The following RHOJ variants were observed in gnomAD, a reference collection of about 807,000 sequenced individuals.
RHOJ encodes ras homolog family member J, also known as rho-related GTP-binding protein RhoJ.
Under a neutral mutation model 23.4 loss-of-function variants are expected in RHOJ, and 11 were observed. The ratio of observed to expected loss-of-function variants is 0.47; its 90% confidence interval spans 0.30 to 0.78. The LOEUF (loss-of-function observed/expected upper bound fraction) is 0.78, where lower values mean the gene tolerates loss of function less well. RHOJ is among the 30% of genes least tolerant of loss of function. The pLI is 0.08. For missense variants in RHOJ, 254 were observed against 273.4 expected (o/e 0.93, Z 0.50); for synonymous variants, 102 against 102.7 (o/e 0.99, Z 0.04).
chr14:63,242,609 G>A (rs1038869897), intron 1 of RHOJ, among the ~76,000 whole-genome samples: 6 of 152,122 alleles, frequency 3.9e-5, no homozygotes, highest in Admixed American at 1.3e-4. Flanking sequence ...GAGTTGATGT[G>A]CAGGAAGACA....
chr14:63,226,776 G>C (rs1020806107), intron 1 of RHOJ, among the ~76,000 whole-genome samples: 11 of 151,858 alleles, frequency 7.2e-5, no homozygotes, highest in African/African-American at 2.4e-4. Flanking sequence ...AACTGGCACA[G>C]TCAATGCAAA....
intron 1 of RHOJ, among the ~76,000 whole-genome samples, chr14:63,211,010 G>A (rs1053783925): frequency 4.6e-5 from 7 of 152,172 alleles, no homozygotes; most frequent in Admixed American, 6.5e-5. Context: ...CACAATTCAT[G>A]GAAAGAAGAG....
At chr14:63,214,336 G>A (rs915379951) in intron 1 of RHOJ, among the ~76,000 whole-genome samples, 6 of 152,178 alleles carry the variant, frequency 3.9e-5, no homozygotes, top group African/African-American at 1.2e-4. Context: ...TATCACAAAT[G>A]TATATAGTTT....
chr14:63,219,680 C>G (rs886774198), intron 1 of RHOJ, among the ~76,000 whole-genome samples: 25 of 152,060 alleles, frequency 1.6e-4, no homozygotes, highest in South Asian at 4.1e-4. Flanking sequence ...GCTGTGTGTG[C>G]TGGCGCATGC....
Position 63,269,066 on chromosome 14 carries a change from T to G in RHOJ, c.179-44T>G, listed in dbSNP as rs72712567. On this transcript the variant is annotated intron_variant, in intron 1 of 4. Coordinates refer to ENST00000316754, the MANE Select transcript of RHOJ (RefSeq NM_020663.5). ...TGTGAAGGCTCCTGATTGAAGCTTG[T>G]GTTTATGGACTCTCCTCTTCTTTTC... 2.5e-3 allele frequency: 3,487 copies of G among 1,402,128 alleles called. 13 individuals are homozygous for G. Among genetic ancestry groups the G allele is most frequent in the East Asian group, 5.3e-3 (233 of 43,902 alleles). The allele number at this position is 1,402,128 out of a possible 1,614,324, so 86.9% of individuals were successfully genotyped here. A position where few individuals can be genotyped will look rare whatever the true frequency, so the allele number is the denominator to read the frequency against.
chr14:63,231,095 G>A (rs1411453815), intron 1 of RHOJ, among the ~76,000 whole-genome samples: 1 of 152,030 alleles, frequency 6.6e-6, no homozygotes, highest in Non-Finnish European at 1.5e-5. Context: ...CACCATGCTG[G>A]CCAGGCTGGT....
chr14:63,215,498 C>T (rs1411195144), intron 1 of RHOJ, among the ~76,000 whole-genome samples: 2 of 152,212 alleles, frequency 1.3e-5, no homozygotes, highest in Non-Finnish European at 2.9e-5. Context: ...AATTAGCTAA[C>T]ATTAAGTAGC....
chr14:63,234,621 G>A (rs1048990316), intron 1 of RHOJ, among the ~76,000 whole-genome samples: 1 of 152,068 alleles, frequency 6.6e-6, no homozygotes, highest in East Asian at 1.9e-4. Flanking sequence ...ACCCACACAT[G>A]TACACACACA....
At chr14:63,287,405 A>G (rs1322104565) in intron 4 of RHOJ, among the ~76,000 whole-genome samples, 1 of 152,174 alleles carries the variant, frequency 6.6e-6, no homozygotes, top group Non-Finnish European at 1.5e-5. Flanking sequence ...TAGCTCATGT[A>G]CCACAAGGTC....
chr14:63,250,950 G>A (rs1008225318), intron 1 of RHOJ, among the ~76,000 whole-genome samples: 1 of 152,126 alleles, frequency 6.6e-6, no homozygotes, highest in African/African-American at 2.4e-5. Flanking sequence ...CAGAAGAATC[G>A]CTTGAACCTG....
At chr14:63,238,272 G>A (rs17100884) in intron 1 of RHOJ, among the ~76,000 whole-genome samples, 4,288 of 152,132 alleles carry the variant, frequency 0.028, 211 homozygotes, top group African/African-American at 0.098. Context: ...GCTTTCCTGG[G>A]CCAAAGTGAA....
chr14:63,204,956 C>T lies in RHOJ; in HGVS notation c.87C>T (p.Asp29=), dbSNP rs766178053. ...TGTTGAAGTGTGTGGTGGTGGGGGA[C>T]GGTGCCGTGGGGAAAACCTGCCTGC... ...KKMLKCVVVG[D]GAVGKTCLLM... is the part of the protein sequence containing the mutation. Residue 29 remains aspartate, a synonymous_variant, in exon 1 of 5, where the codon GAC becomes GAT. Coordinates refer to ENST00000316754, the MANE Select transcript of RHOJ (RefSeq NM_020663.5). The T allele has an allele frequency of 6.2e-7, 1 of 1,614,118 alleles. No homozygotes were observed. Among genetic ancestry groups the T allele is most frequent in the South Asian group, 1.1e-5 (1 of 91,080 alleles).
At chr14:63,282,908 A>G (rs1438764862) in intron 3 of RHOJ, among the ~76,000 whole-genome samples, 1 of 152,160 alleles carries the variant, frequency 6.6e-6, no homozygotes, top group Non-Finnish European at 1.5e-5. Flanking sequence ...AACTGTTTGA[A>G]GGGGAAAACG....
At chr14:63,283,615 T>C (rs1023033695) in intron 4 of RHOJ, among the ~76,000 whole-genome samples, 1 of 152,198 alleles carries the variant, frequency 6.6e-6, no homozygotes, top group Non-Finnish European at 1.5e-5. Flanking sequence ...TGTGATTTTC[T>C]TGGGAGAGAC....
At chr14:63,277,685 A>T (rs1041672657) in intron 2 of RHOJ, among the ~76,000 whole-genome samples, 16 of 152,254 alleles carry the variant, frequency 1.1e-4, no homozygotes, top group Admixed American at 9.8e-4. Context: ...ATGAGAAAAA[A>T]ATCAACATGG....
At chr14:63,214,638 G>T (rs185269328) in intron 1 of RHOJ, among the ~76,000 whole-genome samples, 1 of 152,284 alleles carries the variant, frequency 6.6e-6, no homozygotes, top group East Asian at 1.9e-4. Context: ...CTGGAAGAAG[G>T]AGAATACAGA....
In RHOJ at chr14:63,290,911, CT is replaced by C. The variant is rs1472528317; in HGVS notation, c.533del (p.Leu178ArgfsTer91). ...ACAGTGCTACTTGGAATGTTCAGCT[CT>C]GACTCAGAAAGGTCTCAAAGCGGTT... ...GAQCYLECSA[L>X]TQKGLKAVFD... On this transcript the variant is annotated frameshift_variant, in exon 5 of 5. Coordinates refer to ENST00000316754, the MANE Select transcript of RHOJ (RefSeq NM_020663.5). LOFTEE classifies it high-confidence loss of function. The C allele has an allele frequency of 6.2e-7, 1 of 1,613,912 alleles. No homozygotes were observed. Among genetic ancestry groups the C allele is most frequent in the East Asian group, 2.2e-5 (1 of 44,896 alleles).
At chr14:63,275,260 G>A (rs1007622350) in intron 2 of RHOJ, among the ~76,000 whole-genome samples, 1 of 152,108 alleles carries the variant, frequency 6.6e-6, no homozygotes, top group African/African-American at 2.4e-5. Context: ...AGACTCCAGT[G>A]AACTATGATC....
At chr14:63,271,724 A>C (rs996871500) in intron 2 of RHOJ, among the ~76,000 whole-genome samples, 5 of 152,196 alleles carry the variant, frequency 3.3e-5, no homozygotes, top group African/African-American at 1.2e-4. Context: ...CCTCCCAGGT[A>C]ACTGGGATTA....
Sources: gnomAD v4.1 joint callset for allele counts (sites outside exome capture counted in the v4.1 genomes callset) on GRCh38, gnomAD v4.1.1 for gene constraint, MANE v1.5 for transcripts, NCBI Gene and HGNC (gene_info 2026-07-23, HGNC 2026-07-21) for gene names.